SH3TC1: variants seen among roughly 807,000 people sequenced by gnomAD.
SH3TC1 encodes SH3 domain and tetratricopeptide repeat-containing protein 1.
SH3TC1 carries 135 observed loss-of-function variants against 117.3 expected under a neutral mutation model. The observed-to-expected ratio is 1.15, with a 90% CI of 1.00 to 1.33. SH3TC1 has a LOEUF of 1.33. Among genes scored for constraint, SH3TC1 ranks in the 40% most tolerant of loss-of-function variants. SH3TC1 has a pLI of 0.00. For missense variants in SH3TC1, 2,092 were observed against 1,794.3 expected (o/e 1.17, Z -3.00); for synonymous variants, 898 against 816.9 (o/e 1.10, Z -1.69).
chr4:8,240,037 G>A (rs1722194384), intron 17 of SH3TC1, among the ~76,000 whole-genome samples: 2 of 152,232 alleles, frequency 1.3e-5, no homozygotes, highest in Admixed American at 6.5e-5. Flanking sequence ...AATGGGCCAA[G>A]CTTGGGTCTT....
chr4:8,230,287 G>C (rs1340967925), intron 12 of SH3TC1, among the ~76,000 whole-genome samples: 1 of 152,022 alleles, frequency 6.6e-6, no homozygotes, highest in Admixed American at 6.6e-5. Flanking sequence ...TAGAAACTTG[G>C]GTTTTTAATT....
At position 8,235,326 on chromosome 4, in the gene SH3TC1, C is replaced by T. The variant is rs1352292820; in HGVS notation, c.3283-107C>T. Reference sequence around the variant, plus strand: ...ACAGGGTCTGAAAAAGGCTCAGTTGCACCTGCAGTGTGTGAGAGGAAGGAG... The same window carrying T: ...ACAGGGTCTGAAAAAGGCTCAGTTGTACCTGCAGTGTGTGAGAGGAAGGAG... On this transcript the variant is annotated intron_variant, in intron 14 of 17. Coordinates refer to ENST00000245105, the MANE Select transcript of SH3TC1 (RefSeq NM_018986.5). The T allele has an allele frequency of 3.0e-6, 4 of 1,329,888 alleles. No homozygotes were observed. In the East Asian group the frequency reaches 1.1e-4, roughly 36 times the overall value. The allele number at this position is 1,329,888 out of a possible 1,614,324, so 82.4% of individuals were successfully genotyped here. A position where few individuals can be genotyped will look rare whatever the true frequency, so the allele number is the denominator to read the frequency against.
At chr4:8,199,604 G>A (rs1308380292) in intron 1 of SH3TC1, among the ~76,000 whole-genome samples, 199 bp downstream of exon 1, 1 of 152,236 alleles carries the variant, frequency 6.6e-6, no homozygotes, top group Non-Finnish European at 1.5e-5. Context: ...GCTCACAGGT[G>A]CTGGCAGTGC....
chr4:8,196,279 G>C (rs981153856), upstream of SH3TC1, among the ~76,000 whole-genome samples: 3 of 152,206 alleles, frequency 2.0e-5, no homozygotes, highest in African/African-American at 7.2e-5. This position sits in a 1 kb window ranked among gnomAD's most constrained non-coding sequence, Gnocchi z 4.6. Context: ...AGGTTGTGTT[G>C]ATGGATGTGT....
intron 7 of SH3TC1, 27 bp from the exon 8 acceptor site, chr4:8,218,244 G>A: frequency 2.5e-6 from 4 of 1,591,686 alleles, no homozygotes; most frequent in Non-Finnish European, 3.4e-6. Flanking sequence ...AAATCCCGCA[G>A]CAAAGACCTC....
Position 8,192,495 on chromosome 4 carries a change from TATTTC to T in SH3TC1, c.-57+10290_-57+10294del, listed in dbSNP as rs1345942827. On this transcript the variant is annotated intron_variant, in intron 1 of 16. Coordinates refer to the SH3TC1 transcript ENST00000508641. This position sits in a 1 kb window ranked among gnomAD's most constrained non-coding sequence, Gnocchi z 4.1. ...TATTTTATTTTATTTTATTTTATTTTATTTCATTTTATTTTTGAGATGGAGTCTCA... is the reference window on the plus strand; with the variant it reads ...TATTTTATTTTATTTTATTTTATTTTATTTTATTTTTGAGATGGAGTCTCA... Among the ~76,000 whole-genome samples the T allele has an allele frequency of 1.5e-5, 2 of 133,482 alleles. No individual in the cohort carries two copies. The highest frequency in any genetic ancestry group is 2.8e-5 in the African/African-American group (1 of 35,932). The allele number at this position is 133,482 out of a possible 152,430, so 87.6% of individuals were successfully genotyped here.
intron 4 of SH3TC1, among the ~76,000 whole-genome samples, chr4:8,213,716 A>G (rs1718954520): frequency 1.3e-5 from 2 of 152,122 alleles, no homozygotes; most frequent in African/African-American, 4.8e-5. Context: ...TCAGCAACAT[A>G]GGGAGACCTC....
At chr4:8,213,577 C>T (rs542275546) in intron 4 of SH3TC1, among the ~76,000 whole-genome samples, 8 of 152,274 alleles carry the variant, frequency 5.3e-5, no homozygotes, top group Admixed American at 3.3e-4. Flanking sequence ...TCAGCTGAGC[C>T]ACTGACAGGT....
intron 1 of SH3TC1, among the ~76,000 whole-genome samples, chr4:8,199,705 T>C (rs1717700216): frequency 6.6e-6 from 1 of 152,108 alleles, no homozygotes; most frequent in African/African-American, 2.4e-5. Context: ...GCCCTTGGCA[T>C]GAGCGGCCCT....
chr4:8,220,135 G>A (rs1011303764), intron 9 of SH3TC1, among the ~76,000 whole-genome samples: 1 of 152,186 alleles, frequency 6.6e-6, no homozygotes, highest in Admixed American at 6.5e-5. Flanking sequence ...CTTTCTCCAA[G>A]AAAGCTTACC....
At chr4:8,228,729 T>C in intron 12 of SH3TC1, 85 bp downstream of exon 12, 2 of 1,168,626 alleles carry the variant, frequency 1.7e-6, no homozygotes, top group Non-Finnish European at 2.3e-6. Flanking sequence ...ACACAAGCGG[T>C]GGTTTTTCCA....
At chr4:8,185,053 A>G (rs1717182352) in intron 1 of SH3TC1, among the ~76,000 whole-genome samples, 1 of 148,912 alleles carries the variant, frequency 6.7e-6, no homozygotes, top group Non-Finnish European at 1.5e-5. Flanking sequence ...TGATTTGCGT[A>G]CATAGGGTGC....
At chr4:8,219,709 C>T (rs1719719583) in intron 9 of SH3TC1, among the ~76,000 whole-genome samples, 179 bp downstream of exon 9, 1 of 152,226 alleles carries the variant, frequency 6.6e-6, no homozygotes. Context: ...CTCCAGGGTT[C>T]CCTGGCGTCC....
chr4:8,193,828 A>G (rs533202318), intron 1 of SH3TC1, among the ~76,000 whole-genome samples: 2 of 152,352 alleles, frequency 1.3e-5, no homozygotes, highest in East Asian at 3.9e-4. Context: ...TGCAGTCCCC[A>G]GGACCCCTGC....
rs1043361202 is a variant in SH3TC1 at position 8,210,808 on chromosome 4, T to C, written c.247+986T>C. Among the ~76,000 whole-genome samples, 1 of 142,654 alleles carries C rather than the reference T, an allele frequency of 7.0e-6. No individual in the cohort carries two copies. The highest frequency in any genetic ancestry group is 1.5e-5 in the Non-Finnish European group (1 of 66,506). The allele number at this position is 142,654 out of a possible 152,430, so 93.6% of individuals were successfully genotyped here. ...CAGCTCAGGAACCATTGTGGAATGA[T>C]GGGCTGGTGCCTCCTGTTGGGGGAG... On this transcript the variant is annotated intron_variant, in intron 3 of 17. Transcript: ENST00000245105. This position sits in a 1 kb window ranked among gnomAD's most constrained non-coding sequence, Gnocchi z 4.1.
intron 13 of SH3TC1, 39 bp from the exon 14 acceptor site, chr4:8,233,324 G>A (rs1211718246): frequency 3.2e-6 from 5 of 1,568,284 alleles, no homozygotes; most frequent in Admixed American, 1.8e-5. Context: ...GTTCCAGGAG[G>A]ATGACAGCCC....
intron 1 of SH3TC1, among the ~76,000 whole-genome samples, chr4:8,191,689 G>A (rs778251397): frequency 6.6e-6 from 1 of 152,152 alleles, no homozygotes; most frequent in African/African-American, 2.4e-5. Context: ...ACTTGGGTGC[G>A]CAGAGGAATC....
chr4:8,240,212 A>G (rs1722207951), intron 17 of SH3TC1, among the ~76,000 whole-genome samples: 1 of 152,210 alleles, frequency 6.6e-6, no homozygotes, highest in Non-Finnish European at 1.5e-5. Context: ...CTGGGGCATC[A>G]CACTCCGTCA....
chr4:8,219,127 C>G (rs922531014), intron 8 of SH3TC1, among the ~76,000 whole-genome samples: 2 of 152,200 alleles, frequency 1.3e-5, no homozygotes, highest in Non-Finnish European at 2.9e-5. Flanking sequence ...CTCCATTTTT[C>G]TCATCTTCAA....
Sources: allele counts gnomAD v4.1 joint callset (sites outside exome capture counted in the v4.1 genomes callset), GRCh38; gene constraint gnomAD v4.1.1; non-coding constraint Gnocchi (gnomAD v3.1); transcripts MANE v1.5; gene names NCBI Gene and HGNC (gene_info 2026-07-23, HGNC 2026-07-21).